The following CLK3 variants were observed in gnomAD, a reference collection of about 807,000 sequenced individuals.
The protein encoded by CLK3 is CDC like kinase 3.
In CLK3, 24 loss-of-function variants were observed where a neutral mutation model predicts 65.2. That is an observed-to-expected ratio of 0.37 (90% CI 0.27 to 0.52). CLK3 has a LOEUF of 0.52. CLK3 is among the 20% of genes least tolerant of loss of function. CLK3 has a pLI of 0.92. For synonymous variants in CLK3, 252 were observed against 240.8 expected (o/e 1.05, Z -0.43); for missense variants, 506 against 660.0 (o/e 0.77, Z 2.56).
chr15:74,615,812 C>T (rs2062051583), upstream of CLK3: 4 of 1,246,100 alleles, frequency 3.2e-6, no homozygotes, highest in East Asian at 6.3e-5. Context: ...GGGGGCGGGG[C>T]TGCCACGGGC....
rs528927122 is a variant in CLK3, at chr15:74,628,271, G to A, written c.1125+219G>A. ...CAGAGGAGTCTTATGCTAGGCCATC[G>A]AGGATGGAGGATGGGGTAGGAGGTG... On this transcript the variant is annotated intron_variant, in intron 10 of 12. Coordinates refer to ENST00000395066, the MANE Select transcript of CLK3 (RefSeq NM_001130028.2). Among the ~76,000 whole-genome samples the A allele has an allele frequency of 4.6e-5, 7 of 152,216 alleles. No homozygotes were observed. In the East Asian group the frequency reaches 1.4e-3, roughly 29 times the overall value.
At chr15:74,619,612 G>C (rs1436036237) in intron 2 of CLK3, among the ~76,000 whole-genome samples, 1 of 152,080 alleles carries the variant, frequency 6.6e-6, no homozygotes, top group Non-Finnish European at 1.5e-5. Flanking sequence ...GCATCTTTCC[G>C]CTTAACCTCC....
At chr15:74,628,858 C>T in intron 11 of CLK3, 84 bp from the exon 12 acceptor site, 1 of 1,116,084 alleles carries the variant, frequency 9.0e-7, no homozygotes, top group Non-Finnish European at 1.3e-6. Flanking sequence ...CTGCTGCTGT[C>T]TTGGGAGCTG....
intron 7 of CLK3, among the ~76,000 whole-genome samples, chr15:74,626,697 T>G (rs929626150): frequency 4.6e-5 from 7 of 152,030 alleles, no homozygotes; most frequent in Non-Finnish European, 5.9e-5. Context: ...TTGGCTCCAG[T>G]GGAGTAGACT....
intron 1 of CLK3, among the ~76,000 whole-genome samples, chr15:74,616,837 A>G (rs1375450887): frequency 6.6e-6 from 1 of 152,238 alleles, no homozygotes; most frequent in African/African-American, 2.4e-5. Context: ...GGAACAGCAA[A>G]TGAGAAGCCG....
At chr15:74,615,948 G>A in intron 1 of CLK3, 50 bp downstream of exon 1, 1 of 1,213,568 alleles carries the variant, frequency 8.2e-7, no homozygotes, top group Non-Finnish European at 1.0e-6. Flanking sequence ...CGGCGGCCGG[G>A]GGTGAGTCGG....
upstream of CLK3, chr15:74,615,717 G>T: frequency 1.6e-6 from 2 of 1,238,696 alleles, no homozygotes; most frequent in Non-Finnish European, 2.0e-6. Context: ...GAGGGCTGGT[G>T]CCCCGGAGCC....
chr15:74,629,493 G>C, intron 12 of CLK3: 1 of 586,788 alleles, frequency 1.7e-6, no homozygotes, highest in South Asian at 2.0e-5. Flanking sequence ...AACCCAGCAA[G>C]ACACCTAGTA....
At position 74,622,365 on chromosome 15, in the gene CLK3, C is replaced by A. The variant is rs1010665928; in HGVS notation, c.467-129C>A. 1.8e-5 allele frequency: 19 copies of A among 1,043,358 alleles called. No homozygotes were observed. Among genetic ancestry groups the A allele is most frequent in the South Asian group, 1.6e-4 (11 of 67,158 alleles). The allele number at this position is 1,043,358 out of a possible 1,614,324, so 64.6% of individuals were successfully genotyped here. A position where few individuals can be genotyped will look rare whatever the true frequency, so the allele number is the denominator to read the frequency against. On this transcript the variant is annotated intron_variant, in intron 4 of 12. Coordinates refer to ENST00000395066, the MANE Select transcript of CLK3 (RefSeq NM_001130028.2). This position sits in a 1 kb window ranked among gnomAD's most constrained non-coding sequence, Gnocchi z 4.6. ...TGAATGACACAGACACTAGCAACTT[C>A]CATTTTTAAGAGTGTAGCAGTGAGA...
chr15:74,617,250 G>C (rs1435498121), intron 1 of CLK3, among the ~76,000 whole-genome samples: 1 of 152,166 alleles, frequency 6.6e-6, no homozygotes, highest in Non-Finnish European at 1.5e-5. Context: ...GACAGCACTA[G>C]GATTTAGTTT....
intron 5 of CLK3, chr15:74,623,624 C>T (rs1379737514): frequency 2.6e-5 from 4 of 152,240 alleles, no homozygotes; most frequent in Non-Finnish European, 5.9e-5. Flanking sequence ...ACATGCACAA[C>T]CACACCGTGG....
chr15:74,618,898 G>A lies in CLK3; in HGVS notation c.1-299G>A, dbSNP rs565954075. Among the ~76,000 whole-genome samples the A allele has an allele frequency of 3.3e-5, 5 of 152,332 alleles. No individual in the cohort carries two copies. In the East Asian group the frequency reaches 7.7e-4, roughly 23 times the overall value. On this transcript the variant is annotated intron_variant, in intron 1 of 12. Transcript: ENST00000395066. Reference sequence around the variant, plus strand: ...GTAGTGTTCACCGTCCCCACCCAGGGTTACTGCCTCAGCCCCTGGCCCTGG... The same window carrying A: ...GTAGTGTTCACCGTCCCCACCCAGGATTACTGCCTCAGCCCCTGGCCCTGG...
chr15:74,626,555 T>C (rs1596290810), intron 7 of CLK3, among the ~76,000 whole-genome samples: 1 of 152,018 alleles, frequency 6.6e-6, no homozygotes, highest in South Asian at 2.1e-4. Flanking sequence ...GCCACTGGGG[T>C]GGGAAGCCCC....
intron 3 of CLK3, chr15:74,620,501 A>G: frequency 1.8e-6 from 1 of 549,864 alleles, no homozygotes; most frequent in Admixed American, 3.2e-5. Context: ...AGTGCTCCAG[A>G]CAAAGGCCAC....
rs1247980392 is a variant in CLK3 at position 74,615,889 on chromosome 15, C to G, written c.-10C>G. 3.2e-6 allele frequency: 4 copies of G among 1,253,344 alleles called. No individual in the cohort carries two copies. Among genetic ancestry groups the G allele is most frequent in the African/African-American group, 3.1e-5 (2 of 65,128 alleles). The allele number at this position is 1,253,344 out of a possible 1,614,324, so 77.6% of individuals were successfully genotyped here. A position where few individuals can be genotyped will look rare whatever the true frequency, so the allele number is the denominator to read the frequency against. ...AGTGGGGCCTAGCTGCAGCCGGAGC[C>G]TGGGAGACGGTAAGTGTGGGCTGGG... On this transcript the variant is annotated 5_prime_UTR_variant, in exon 1 of 13. Transcript: ENST00000395066.
Position 74,630,006 on chromosome 15 carries a change from G to C in CLK3, c.*123G>C, listed in dbSNP as rs113175104. The stretch of plus-strand genomic sequence containing the variant: ...CAATGAACAGTGCAATGTGAAGGAA[G>C]GCAGGAGCCTGCAGGGGAGCAGACT... On this transcript the variant is annotated 3_prime_UTR_variant, in exon 13 of 13. Transcript: ENST00000395066. The C allele has an allele frequency of 1.0e-4, 97 of 956,850 alleles. No homozygotes were observed. In the African/African-American group the frequency reaches 1.3e-3, roughly 13 times the overall value. The allele number at this position is 956,850 out of a possible 1,614,324, so 59.3% of individuals were successfully genotyped here.
chr15:74,609,693 G>A (rs948971061), intron 1 of CLK3, among the ~76,000 whole-genome samples: 2 of 152,242 alleles, frequency 1.3e-5, no homozygotes, highest in Non-Finnish European at 2.9e-5. Context: ...TCTGGGTCCC[G>A]AAGCTCCTGG....
chr15:74,611,584 G>A (rs955737462), upstream of CLK3, among the ~76,000 whole-genome samples: 4 of 152,182 alleles, frequency 2.6e-5, no homozygotes, highest in East Asian at 1.9e-4. Flanking sequence ...CTCCAGTCCC[G>A]CTCGGGGGCC....
upstream of CLK3, chr15:74,615,514 G>T: frequency 7.7e-7 from 1 of 1,305,218 alleles, no homozygotes. Flanking sequence ...CGGGGCGACG[G>T]AGCGGGCCCA....
Sources: allele counts gnomAD v4.1 joint callset (sites outside exome capture counted in the v4.1 genomes callset), GRCh38; gene constraint gnomAD v4.1.1; non-coding constraint Gnocchi (gnomAD v3.1); transcripts MANE v1.5; gene names NCBI Gene and HGNC (gene_info 2026-07-23, HGNC 2026-07-21).